PDZD8: variants seen among roughly 807,000 people sequenced by gnomAD.
PDZD8 encodes PDZ domain containing 8.
A neutral mutation model predicts 85.8 loss-of-function variants in PDZD8; 14 were observed. That is an observed-to-expected ratio of 0.16 (90% CI 0.11 to 0.26). The LOEUF (loss-of-function observed/expected upper bound fraction) is 0.26, where lower values mean the gene tolerates loss of function less well. PDZD8 is among the 10% of genes least tolerant of loss of function. The pLI is 1.00. For missense variants in PDZD8, 1,197 were observed against 1,424.3 expected, an observed-to-expected ratio of 0.84 and a Z score of 2.57; for synonymous variants, 592 against 568.6, an observed-to-expected ratio of 1.04 and a Z score of -0.59.
Position 117,292,537 on chromosome 10 carries a change from G to C in PDZD8, c.1099-2189C>G, listed in dbSNP as rs1229634599. Among the ~76,000 whole-genome samples, 5 of 151,330 alleles carry C rather than the reference G, an allele frequency of 3.3e-5. No individual in the cohort carries two copies. The East Asian group carries it at 5.8e-4, about 18-fold the overall frequency. On this transcript the variant is annotated intron_variant, in intron 3 of 4. Coordinates refer to ENST00000334464, the MANE Select transcript of PDZD8 (RefSeq NM_173791.5). The stretch of plus-strand genomic sequence containing the variant: ...GAAAACCTAAACAGTGTAAGTCTGA[G>C]TACTGTAAAGTTTAAAAATTAACAC...
intron 3 of PDZD8, among the ~76,000 whole-genome samples, chr10:117,307,908 A>G (rs1843970404): frequency 6.6e-6 from 1 of 152,076 alleles, no homozygotes; most frequent in South Asian, 2.1e-4. Context: ...TTCATTTTAA[A>G]GTACCTTCAA....
At chr10:117,309,387 T>C (rs551466493) in intron 3 of PDZD8, among the ~76,000 whole-genome samples, 1 of 54,596 alleles carries the variant, frequency 1.8e-5, no homozygotes, top group South Asian at 5.4e-4. Context: ...ATAACAGCAG[T>C]AAAAATTAAA....
chr10:117,340,956 G>A (rs753831262), intron 2 of PDZD8, 24 bp downstream of exon 2: 2 of 1,613,092 alleles, frequency 1.2e-6, no homozygotes, highest in East Asian at 4.5e-5. Flanking sequence ...CCGTAACTTA[G>A]TAATGACAAA....
At chr10:117,287,354 T>C (rs1844682808) in intron 4 of PDZD8, among the ~76,000 whole-genome samples, 1 of 152,166 alleles carries the variant, frequency 6.6e-6, no homozygotes, top group South Asian at 2.1e-4. Context: ...CTCTCACCCT[T>C]TTTTGCTCTC....
At chr10:117,363,337 G>A (rs1845029519) in intron 1 of PDZD8, among the ~76,000 whole-genome samples, 1 of 152,072 alleles carries the variant, frequency 6.6e-6, no homozygotes, top group Admixed American at 6.5e-5. Flanking sequence ...GCACTATTCA[G>A]AAGATATTGA....
At chr10:117,351,060 C>T (rs1844797372) in intron 1 of PDZD8, among the ~76,000 whole-genome samples, 2 of 151,962 alleles carry the variant, frequency 1.3e-5, no homozygotes, top group Non-Finnish European at 2.9e-5. Flanking sequence ...ACAAACAATG[C>T]CAAATGTTGG....
In PDZD8 at chr10:117,283,223, T is replaced by G. The variant is rs760224078; in HGVS notation, c.*45A>C. ...ATGGTTGTATCTGTGGTACTTTAGA[T>G]GCAACTTTACCCTGTTCATTTGAAA... On this transcript the variant is annotated 3_prime_UTR_variant, in exon 5 of 5. Transcript: ENST00000334464. The G allele has an allele frequency of 1.3e-6, 2 of 1,527,776 alleles. No individual in the cohort carries two copies. Among genetic ancestry groups the G allele is most frequent in the Admixed American group, 4.2e-5 (2 of 48,012 alleles). The allele number at this position is 1,527,776 out of a possible 1,614,324, so 94.6% of individuals were successfully genotyped here.
chr10:117,359,062 AT>A (rs57182574), intron 1 of PDZD8, among the ~76,000 whole-genome samples: 1 of 151,406 alleles, frequency 6.6e-6, no homozygotes, highest in Non-Finnish European at 1.5e-5. Context: ...ATGCTAGTTG[AT>A]TTTTTTTAAT....
At chr10:117,338,634 T>C (rs1271342683) in intron 2 of PDZD8, among the ~76,000 whole-genome samples, 2 of 152,192 alleles carry the variant, frequency 1.3e-5, no homozygotes, top group Admixed American at 1.3e-4. Flanking sequence ...AAAATTCTTA[T>C]TGGTTTCTCA....
chr10:117,369,826 C>G (rs1480516946), intron 1 of PDZD8, among the ~76,000 whole-genome samples: 1 of 152,162 alleles, frequency 6.6e-6, no homozygotes, highest in African/African-American at 2.4e-5. Context: ...CTAACAGAAG[C>G]CACAAATCCA....
chr10:117,307,472 C>G (rs1293438254), intron 3 of PDZD8, among the ~76,000 whole-genome samples: 3 of 151,974 alleles, frequency 2.0e-5, no homozygotes, highest in Non-Finnish European at 4.4e-5. Context: ...AATTCACAAT[C>G]ATTCATTTAG....
chr10:117,284,361 A>C lies in PDZD8; in HGVS notation c.2372T>G (p.Ile791Ser). Residue 791 changes from isoleucine to serine, a missense_variant, in exon 5 of 5, where the codon ATT becomes AGT. Around this residue, in one of 4 missense-constraint regions of PDZD8, gnomAD observed 418 missense variants for 571.1 expected, o/e 0.73. Coordinates refer to ENST00000334464, the MANE Select transcript of PDZD8 (RefSeq NM_173791.5). Reference sequence around the variant, plus strand: ...TCCTTCTTTCAAATATTTGAAGTGAATAGTAATGTCACCATAGCAAAATTT... The same window carrying C: ...TCCTTCTTTCAAATATTTGAAGTGACTAGTAATGTCACCATAGCAAAATTT... The part of the protein sequence containing the change: ...NDKFCYGDIT[I>S]HFKYLKEGES... The C allele has an allele frequency of 1.2e-6, 2 of 1,614,202 alleles. No individual in the cohort carries two copies. Among genetic ancestry groups the C allele is most frequent in the Non-Finnish European group, 1.7e-6 (2 of 1,180,030 alleles).
At chr10:117,355,142 A>G (rs1309006871) in intron 1 of PDZD8, among the ~76,000 whole-genome samples, 2 of 152,202 alleles carry the variant, frequency 1.3e-5, no homozygotes, top group African/African-American at 4.8e-5. Context: ...CAATTCATAC[A>G]CAAGGCTCCT....
At chr10:117,365,401 A>G (rs998527947) in intron 1 of PDZD8, among the ~76,000 whole-genome samples, 1 of 152,178 alleles carries the variant, frequency 6.6e-6, no homozygotes, top group African/African-American at 2.4e-5. Context: ...ATTAATAGCA[A>G]ATTATAATAC....
chr10:117,366,298 T>A (rs1250851354), intron 1 of PDZD8, among the ~76,000 whole-genome samples: 1 of 152,190 alleles, frequency 6.6e-6, no homozygotes, highest in Non-Finnish European at 1.5e-5. Context: ...TCAAGGGAAC[T>A]ATGAACTTAA....
At chr10:117,343,377 C>T (rs1414392022) in intron 1 of PDZD8, among the ~76,000 whole-genome samples, 3 of 152,084 alleles carry the variant, frequency 2.0e-5, no homozygotes, top group East Asian at 1.9e-4. Context: ...CCAACTAAAA[C>T]GCTAATTTGC....
chr10:117,372,189 A>G (rs1215419555), intron 1 of PDZD8, among the ~76,000 whole-genome samples: 1 of 152,238 alleles, frequency 6.6e-6, no homozygotes, highest in Non-Finnish European at 1.5e-5. Context: ...ACTTCTGGAA[A>G]TGATCATTTA....
At position 117,374,549 on chromosome 10, in the gene PDZD8, C is replaced by T. The variant is rs1254396703; in HGVS notation, c.679G>A (p.Gly227Arg). 1 of 1,604,698 alleles carries T rather than the reference C, an allele frequency of 6.2e-7. No homozygotes were observed. The highest frequency in any genetic ancestry group is 1.3e-5 in the African/African-American group (1 of 74,982). The change falls in exon 1 of 5, where the codon GGA becomes AGA. Residue 227 changes from glycine to arginine, a missense_variant. By Grantham distance (125) the Gly-to-Arg change is moderately radical. This residue lies in a region of PDZD8 where 344 missense variants were observed against 453.6 expected (regional missense o/e 0.76). Coordinates refer to ENST00000334464, the MANE Select transcript of PDZD8 (RefSeq NM_173791.5). The surrounding 1 kb of genome is among the most constrained non-coding windows in gnomAD (Gnocchi z 7.8). ...CGCGTAAAGACCAAGCGCAGCCTTC[C>T]CACCACGCGGGACAGCTTGACAAAC... ...YLFVKLSRVV[G>R]RLRLVFTRVP...
Position 117,318,705 on chromosome 10 carries a change from A to C in PDZD8, c.1098+167T>G, listed in dbSNP as rs563751431. Among the ~76,000 whole-genome samples, 7 of 152,266 alleles carry C rather than the reference A, an allele frequency of 4.6e-5. No homozygotes were observed. In the South Asian group the frequency reaches 1.4e-3, roughly 32 times the overall value. ...TGAATACTATTTATAGTTTCTTGTG[A>C]TTTACTTTATCACTGTAGTTGTATT... On this transcript the variant is annotated intron_variant, in intron 3 of 4. Coordinates refer to ENST00000334464, the MANE Select transcript of PDZD8 (RefSeq NM_173791.5).
Sources: allele counts gnomAD v4.1 joint callset (sites outside exome capture counted in the v4.1 genomes callset), GRCh38; gene constraint gnomAD v4.1.1; regional missense constraint gnomAD v4.1.1; non-coding constraint Gnocchi (gnomAD v3.1); transcripts MANE v1.5; gene names NCBI Gene and HGNC (gene_info 2026-07-23, HGNC 2026-07-21).